R3HDM2: variants seen among roughly 807,000 people sequenced by gnomAD.
R3HDM2 encodes the protein R3H domain containing 2.
In R3HDM2, 38 loss-of-function variants were observed where a neutral mutation model predicts 124.5. That is an observed-to-expected ratio of 0.31 (90% CI 0.24 to 0.40). The LOEUF (loss-of-function observed/expected upper bound fraction) is 0.40, where lower values mean the gene tolerates loss of function less well. Among genes scored for constraint, R3HDM2 ranks in the 10% least tolerant of loss-of-function variants. The pLI is 1.00. For synonymous variants in R3HDM2, 391 were observed against 448.0 expected (o/e 0.87, Z 1.61); for missense variants, 869 against 1,236.9 (o/e 0.70, Z 4.46).
At chr12:57,266,906 T>G in intron 18 of R3HDM2, 75 bp from the exon 19 acceptor site, 1 of 1,083,312 alleles carries the variant, frequency 9.2e-7, no homozygotes. Flanking sequence ...AGCTGCTGCT[T>G]CCTGGTCCTC....
intron 1 of R3HDM2, among the ~76,000 whole-genome samples, chr12:57,396,273 C>T (rs964835104): frequency 2.0e-5 from 3 of 151,180 alleles, no homozygotes; most frequent in Non-Finnish European, 4.4e-5. Context: ...AGCCTTGTCT[C>T]TACTAAAAAT....
chr12:57,300,320 G>T, intron 4 of R3HDM2, 139 bp from the exon 5 acceptor site: 3 of 675,730 alleles, frequency 4.4e-6, no homozygotes, highest in Non-Finnish European at 5.0e-6. Flanking sequence ...ATTAAACAGG[G>T]GTTTTTTTCA....
chr12:57,394,438 G>A (rs931303406), intron 2 of R3HDM2, among the ~76,000 whole-genome samples: 2 of 152,204 alleles, frequency 1.3e-5, no homozygotes, highest in South Asian at 2.1e-4. Context: ...GCGAAACCCC[G>A]TCTTGTACTT....
chr12:57,256,337 TG>T, intron 22 of R3HDM2, 76 bp downstream of exon 22: 1 of 1,235,448 alleles, frequency 8.1e-7, no homozygotes, highest in Non-Finnish European at 1.1e-6. Context: ...TATACCCAGC[TG>T]GTTGAAGCTC....
At chr12:57,362,818 T>A (rs2062113095) in intron 2 of R3HDM2, among the ~76,000 whole-genome samples, 1 of 152,096 alleles carries the variant, frequency 6.6e-6, no homozygotes, top group Non-Finnish European at 1.5e-5. Context: ...ATTTTATTTT[T>A]ATTTTATTTT....
intron 2 of R3HDM2, among the ~76,000 whole-genome samples, chr12:57,332,012 C>A (rs2058266243): frequency 6.6e-6 from 1 of 151,578 alleles, no homozygotes; most frequent in Admixed American, 6.6e-5. Context: ...ATCATTTGAG[C>A]CCAGGAGGCT....
intron 14 of R3HDM2, among the ~76,000 whole-genome samples, chr12:57,272,108 G>A (rs1361178274): frequency 6.6e-6 from 1 of 152,172 alleles, no homozygotes; most frequent in Non-Finnish European, 1.5e-5. Flanking sequence ...CTGTATAGAA[G>A]AAACTAGGTT....
chr12:57,410,590 C>T (rs762685064), intron 1 of R3HDM2, among the ~76,000 whole-genome samples: 21 of 152,132 alleles, frequency 1.4e-4, no homozygotes, highest in Admixed American at 3.3e-4. Flanking sequence ...CAATGGTTCA[C>T]GCCTATAATT....
intron 19 of R3HDM2, among the ~76,000 whole-genome samples, chr12:57,261,226 C>T (rs992848030): frequency 6.6e-6 from 1 of 152,182 alleles, no homozygotes; most frequent in Non-Finnish European, 1.5e-5. Flanking sequence ...TATTCAAATA[C>T]CTCATTGCTA....
intron 1 of R3HDM2, among the ~76,000 whole-genome samples, chr12:57,403,620 G>A (rs1358303557): frequency 6.6e-6 from 1 of 151,978 alleles, no homozygotes; most frequent in Non-Finnish European, 1.5e-5. Context: ...ACCAGCCTGG[G>A]CAACATGGCA....
chr12:57,321,408 T>C (rs984097479), intron 2 of R3HDM2, among the ~76,000 whole-genome samples: 2 of 152,146 alleles, frequency 1.3e-5, no homozygotes, highest in African/African-American at 4.8e-5. Flanking sequence ...CCTAGCACTT[T>C]GGGAGGCCAG....
At chr12:57,428,750 T>TA (rs145112427) in intron 1 of R3HDM2, among the ~76,000 whole-genome samples, 63,745 of 146,174 alleles carry the variant, frequency 0.44, 14,102 homozygotes, top group South Asian at 0.51. Context: ...ATGCTATTAT[T>TA]TTTTTTTTTT....
intron 3 of R3HDM2, among the ~76,000 whole-genome samples, chr12:57,306,302 A>G (rs2052553421): frequency 6.6e-6 from 1 of 152,212 alleles, no homozygotes; most frequent in African/African-American, 2.4e-5. Context: ...GAGTTAACAC[A>G]GGCAGTTCTT....
intron 2 of R3HDM2, among the ~76,000 whole-genome samples, chr12:57,355,917 T>C (rs1313433199): frequency 6.6e-6 from 1 of 152,212 alleles, no homozygotes; most frequent in African/African-American, 2.4e-5. Flanking sequence ...TAATGGGCTT[T>C]TATATATTGA....
At chr12:57,386,215 T>C (rs1404285901) in intron 2 of R3HDM2, among the ~76,000 whole-genome samples, 4 of 152,234 alleles carry the variant, frequency 2.6e-5, no homozygotes, top group African/African-American at 7.2e-5. Flanking sequence ...TTGGCGGCAC[T>C]TGAGGAGCCC....
chr12:57,380,130 C>T (rs1434276161), intron 2 of R3HDM2, among the ~76,000 whole-genome samples: 2 of 152,064 alleles, frequency 1.3e-5, no homozygotes, highest in Non-Finnish European at 2.9e-5. Context: ...GGTAGGAAAA[C>T]GAAACCTTTC....
intron 14 of R3HDM2, among the ~76,000 whole-genome samples, chr12:57,277,199 G>A (rs780974529): frequency 2.0e-5 from 3 of 151,552 alleles, no homozygotes; most frequent in Admixed American, 6.6e-5. Context: ...AGGGGGCCCC[G>A]AGAACTCCTT....
intron 2 of R3HDM2, among the ~76,000 whole-genome samples, chr12:57,375,038 T>C (rs2063868994): frequency 6.6e-6 from 1 of 150,784 alleles, no homozygotes; most frequent in Admixed American, 6.6e-5. Flanking sequence ...TGAAGTGACA[T>C]TCACATAAAA....
At chr12:57,414,013 AT>A (rs1188622481) in intron 1 of R3HDM2, among the ~76,000 whole-genome samples, 1 of 149,932 alleles carries the variant, frequency 6.7e-6, no homozygotes, top group Non-Finnish European at 1.5e-5. Flanking sequence ...ACCCAGCTAA[AT>A]TTTTTTGTAT....
Sources: allele counts gnomAD v4.1 joint callset (sites outside exome capture counted in the v4.1 genomes callset), GRCh38; gene constraint gnomAD v4.1.1; transcripts MANE v1.5; gene names NCBI Gene and HGNC (gene_info 2026-07-23, HGNC 2026-07-21).